MRPL27: variants seen among roughly 807,000 people sequenced by gnomAD.
MRPL27 encodes mitochondrial ribosomal protein L27, also known as large ribosomal subunit protein bL27m.
A neutral mutation model predicts 14.6 loss-of-function variants in MRPL27; 4 were observed. The observed-to-expected ratio is 0.27, with a 90% CI of 0.14 to 0.63. The LOEUF (loss-of-function observed/expected upper bound fraction) is 0.63. Among genes scored for constraint, MRPL27 ranks in the 20% least tolerant of loss-of-function variants. The probability of loss-of-function intolerance (pLI) is 0.85; values close to 1 mark genes in which losing one functional copy is unlikely to be tolerated. For missense variants in MRPL27, 196 were observed against 192.8 expected, an observed-to-expected ratio of 1.02 and a Z score of -0.10; for synonymous variants, 82 against 75.5, an observed-to-expected ratio of 1.09 and a Z score of -0.45.
Position 50,370,075 on chromosome 17 carries a change from A to C in MRPL27, c.197T>G (p.Ile66Ser). 3 of 1,613,538 alleles carry C rather than the reference A, an allele frequency of 1.9e-6. No individual in the cohort carries two copies. The highest frequency in any genetic ancestry group is 2.5e-6 in the Non-Finnish European group (3 of 1,179,844). ...MEGHYVHAGN[I>S]IATQRHFRWH... ...GCGGAAATGGCGCTGTGTTGCAATG[A>C]TGTTCCCAGCATGAACATAGTGACC... Residue 66 changes from isoleucine (I) to serine (S), a missense_variant, in exon 3 of 4, where the codon ATC (isoleucine) becomes AGC (serine). Coordinates refer to ENST00000225969, the MANE Select transcript of MRPL27 (RefSeq NM_016504.3).
At chr17:50,371,752 A>G (rs1276549372) in intron 1 of MRPL27, among the ~76,000 whole-genome samples, 5 of 152,194 alleles carry the variant, frequency 3.3e-5, no homozygotes, top group Non-Finnish European at 7.3e-5. Flanking sequence ...ATGTTAAAAC[A>G]TGCCCGGCGC....
chr17:50,369,863 A>G, intron 3 of MRPL27, 169 bp downstream of exon 3: 2 of 792,022 alleles, frequency 2.5e-6, no homozygotes, highest in Non-Finnish European at 4.2e-6. Context: ...ATTTCACCTT[A>G]CTTACAGGGA....
At position 50,368,142 on chromosome 17, in the gene MRPL27, C is replaced by A. The variant is rs142736439; in HGVS notation, c.397G>T (p.Val133Leu). Residue 133 changes from valine (V) to leucine (L), a missense_variant, in exon 4 of 4, where the codon GTG becomes TTG. Coordinates refer to ENST00000225969, the MANE Select transcript of MRPL27 (RefSeq NM_016504.3). The part of the protein sequence containing the change: ...GAVLYKTFVH[V>L]VPAKPEGTFK... The stretch of plus-strand genomic sequence containing the variant: ...GTGCCCTCAGGCTTGGCAGGAACCA[C>A]GTGGACAAAAGTCTTGTAGAGCACA... 1 of 1,614,094 alleles carries A rather than the reference C, an allele frequency of 6.2e-7. No individual in the cohort carries two copies. The highest frequency in any genetic ancestry group is 1.7e-5 in the Admixed American group (1 of 60,002).
intron 2 of MRPL27, 136 bp downstream of exon 2, chr17:50,370,319 T>C: frequency 7.0e-7 from 1 of 1,431,642 alleles, no homozygotes; most frequent in Non-Finnish European, 9.6e-7. Context: ...CCTCAGGTCT[T>C]ATCCGTTCCT....
Position 50,368,143 on chromosome 17 carries a change from G to A in MRPL27, c.396C>T (p.His132=), listed in dbSNP as rs541464981. Residue 132 remains histidine, a synonymous_variant, in exon 4 of 4, where the codon CAC becomes CAT. Coordinates refer to ENST00000225969, the MANE Select transcript of MRPL27 (RefSeq NM_016504.3). ...KGAVLYKTFV[H]VVPAKPEGTF... ...TGCCCTCAGGCTTGGCAGGAACCAC[G>A]TGGACAAAAGTCTTGTAGAGCACAG... The A allele has an allele frequency of 3.1e-6, 5 of 1,614,204 alleles. No homozygotes were observed. Among genetic ancestry groups the A allele is most frequent in the African/African-American group, 2.7e-5 (2 of 75,046 alleles).
At chr17:50,369,832 C>T in intron 3 of MRPL27, 200 bp downstream of exon 3, 1 of 668,050 alleles carries the variant, frequency 1.5e-6, no homozygotes, top group East Asian at 3.0e-5. Flanking sequence ...TTGCTCCTTC[C>T]ACCCCGTCTA....
rs981886403 is a variant in MRPL27, at chr17:50,369,834, C to A, written c.240+198G>T. The A allele has an allele frequency of 4.4e-6, 3 of 675,942 alleles. No individual in the cohort carries two copies. The South Asian group carries it at 5.4e-5, about 12-fold the overall frequency. 41.9% of individuals were successfully genotyped at this position (675,942 alleles called of 1,614,324 possible). On this transcript the variant is annotated intron_variant, in intron 3 of 3. Coordinates refer to ENST00000225969, the MANE Select transcript of MRPL27 (RefSeq NM_016504.3). ...TCCCAGCAGTCACTTGCTCCTTCCA[C>A]CCCGTCTAGGTCTCTGGCATTTCAC...
chr17:50,371,860 A>G (rs1913161279), intron 1 of MRPL27, among the ~76,000 whole-genome samples: 1 of 152,118 alleles, frequency 6.6e-6, no homozygotes. Flanking sequence ...TCACTCACAA[A>G]TCTTTGCTCT....
chr17:50,368,698 G>A (rs1913036846), intron 3 of MRPL27: 3 of 598,624 alleles, frequency 5.0e-6, no homozygotes, highest in South Asian at 4.1e-5. Flanking sequence ...TTTAGATAGT[G>A]ATCTATAAAG....
Position 50,370,457 on chromosome 17 carries a change from T to C in MRPL27, c.170A>G (p.Glu57Gly). The change falls in exon 2 of 4, where the codon GAA becomes GGA. Residue 57 changes from glutamate (E) to glycine (G), a missense_variant and splice_region_variant. Glu to Gly is a moderately conservative substitution (Grantham distance 98). Transcript: ENST00000225969. ...SGRRQGIKKM[E>G]GHYVHAGNII... ...GGGAAGCCAAGGCACATCCTCACCTTCCATTTTCTTAATGCCTTGGCGTCT... is the reference window on the plus strand; with the variant it reads ...GGGAAGCCAAGGCACATCCTCACCTCCCATTTTCTTAATGCCTTGGCGTCT... 2.5e-6 allele frequency: 4 copies of C among 1,614,076 alleles called. No individual in the cohort carries two copies. Among genetic ancestry groups the C allele is most frequent in the Non-Finnish European group, 3.4e-6 (4 of 1,179,994 alleles).
rs145593542 is a variant in MRPL27, at chr17:50,370,339, A to T, written c.172+116T>A. ...GGTCTTATCCGTTCCTTTAAACTGGAGCCAATTATGATGGTAAGGAAGAAC... is the reference window on the plus strand; with the variant it reads ...GGTCTTATCCGTTCCTTTAAACTGGTGCCAATTATGATGGTAAGGAAGAAC... On this transcript the variant is annotated intron_variant, in intron 2 of 3. Coordinates refer to ENST00000225969, the MANE Select transcript of MRPL27 (RefSeq NM_016504.3). 4.6e-6 allele frequency: 7 copies of T among 1,522,274 alleles called. No homozygotes were observed. In the East Asian group the frequency reaches 1.6e-4, roughly 34 times the overall value. The allele number at this position is 1,522,274 out of a possible 1,614,324, so 94.3% of individuals were successfully genotyped here.
chr17:50,369,378 AT>A (rs751246062), intron 3 of MRPL27: 2 of 154,046 alleles, frequency 1.3e-5, no homozygotes, highest in Non-Finnish European at 2.8e-5. Context: ...ACCTACTAAA[AT>A]TATCGAAAAA....
At position 50,370,487 on chromosome 17, in the gene MRPL27, G is replaced by A. The variant is rs375182283; in HGVS notation, c.140C>T (p.Ser47Leu). ...GSSKNLGGKS[S>L]GRRQGIKKME... ...TTTCTTAATGCCTTGGCGTCTGCCT[G>A]ATGACTTTCCACCGAGGTTTTTGGA... is the stretch of plus-strand genomic sequence containing the variant. The change falls in exon 2 of 4, where the codon TCA becomes TTA. Residue 47 changes from serine to leucine, a missense_variant. Ser to Leu is a moderately radical substitution (Grantham distance 145). Coordinates refer to ENST00000225969, the MANE Select transcript of MRPL27 (RefSeq NM_016504.3). The A allele has an allele frequency of 3.7e-6, 6 of 1,614,084 alleles. No individual in the cohort carries two copies. In the African/African-American group the frequency reaches 8.0e-5, roughly 22 times the overall value.
chr17:50,368,636 T>C, intron 3 of MRPL27: 1 of 592,650 alleles, frequency 1.7e-6, no homozygotes, highest in South Asian at 2.1e-5. Context: ...CACTTAGACT[T>C]AAACAACACT....
At position 50,370,019 on chromosome 17, in the gene MRPL27, C is replaced by G; in HGVS notation, c.240+13G>C. Reference sequence around the variant, plus strand: ...AGAAAAGGAAAAAGGGGGGCAGCAACGGAGCAACTCACATGGGCACCTGGG... The same window carrying G: ...AGAAAAGGAAAAAGGGGGGCAGCAAGGGAGCAACTCACATGGGCACCTGGG... On this transcript the variant is annotated intron_variant, in intron 3 of 3. Coordinates refer to ENST00000225969, the MANE Select transcript of MRPL27 (RefSeq NM_016504.3). The G allele has an allele frequency of 6.2e-7, 1 of 1,613,706 alleles. No individual in the cohort carries two copies. Among genetic ancestry groups the G allele is most frequent in the African/African-American group, 1.3e-5 (1 of 74,996 alleles).
chr17:50,368,375 C>T (rs886492183), intron 3 of MRPL27, 77 bp from the exon 4 acceptor site: 15 of 1,469,820 alleles, frequency 1.0e-5, no homozygotes, highest in Non-Finnish European at 1.4e-5. Flanking sequence ...ACAGACTTCT[C>T]ACACAGAGCC....
intron 1 of MRPL27, 66 bp from the exon 2 acceptor site, chr17:50,370,652 C>T: frequency 6.2e-7 from 1 of 1,603,246 alleles, no homozygotes; most frequent in East Asian, 2.2e-5. Flanking sequence ...CAATGGGCCA[C>T]ATGCTGATAC....
intron 1 of MRPL27, 28 bp downstream of exon 1, chr17:50,373,103 C>T (rs979078334): frequency 6.2e-7 from 1 of 1,613,932 alleles, no homozygotes; most frequent in Non-Finnish European, 8.5e-7. Flanking sequence ...CCCCGCCTCA[C>T]CCCGCTCTGA....
At chr17:50,372,516 A>T (rs1462506106) in intron 1 of MRPL27, among the ~76,000 whole-genome samples, 1 of 152,194 alleles carries the variant, frequency 6.6e-6, no homozygotes, top group Non-Finnish European at 1.5e-5. Context: ...AAGTGTTGGG[A>T]CTACAGGCGT....
Sources: allele counts gnomAD v4.1 joint callset (sites outside exome capture counted in the v4.1 genomes callset), GRCh38; gene constraint gnomAD v4.1.1; transcripts MANE v1.5; gene names NCBI Gene and HGNC (gene_info 2026-07-23, HGNC 2026-07-21).